Variants in IFRD2 observed in about 807,000 individuals in gnomAD.
IFRD2 encodes interferon-related developmental regulator 2.
A neutral mutation model predicts 49.2 loss-of-function variants in IFRD2; 35 were observed. That is an observed-to-expected ratio of 0.71 (90% CI 0.54 to 0.94). IFRD2 has a LOEUF of 0.94. IFRD2 is among the 40% of genes least tolerant of loss of function. The pLI, the probability that IFRD2 is intolerant of heterozygous loss-of-function variation, is 0.00. For synonymous variants in IFRD2, 275 were observed against 239.7 expected (o/e 1.15, Z -1.36); for missense variants, 561 against 591.6 (o/e 0.95, Z 0.54).
chr3:50,291,348 G>A (rs1192439599), intron 1 of IFRD2, among the ~76,000 whole-genome samples: 1 of 152,074 alleles, frequency 6.6e-6, no homozygotes, highest in African/African-American at 2.4e-5. Flanking sequence ...TGCCGGAGCA[G>A]CCCAGCCTTC....
At chr3:50,291,411 A>C (rs1701670535) in intron 1 of IFRD2, among the ~76,000 whole-genome samples, 1 of 151,916 alleles carries the variant, frequency 6.6e-6, no homozygotes, top group East Asian at 1.9e-4. Context: ...TCTTTGTACA[A>C]CTTGCTCTCT....
In IFRD2 at chr3:50,287,942, G is replaced by T; in HGVS notation, c.*249C>A. On this transcript the variant is annotated 3_prime_UTR_variant, in exon 12 of 12. Transcript: ENST00000417626. ...AAGGCCCCCTAGTGCCTGCCCCACA[G>T]CCCTGAGGAAGGCACATATTTAGCC... 1.9e-6 allele frequency: 1 copy of T among 517,264 alleles called. No individual in the cohort carries two copies. Among genetic ancestry groups the T allele is most frequent in the Non-Finnish European group, 3.5e-6 (1 of 285,524 alleles). 32.0% of individuals were successfully genotyped at this position (517,264 alleles called of 1,614,324 possible). A position where few individuals can be genotyped will look rare whatever the true frequency, so the allele number is the denominator to read the frequency against.
intron 8 of IFRD2, 21 bp downstream of exon 8, chr3:50,289,231 ACCC>A: frequency 6.5e-7 from 1 of 1,544,248 alleles, no homozygotes; most frequent in Non-Finnish European, 8.8e-7. Flanking sequence ...GTCACCAAGC[ACCC>A]CCCATCCTTG....
chr3:50,289,032 C>T, intron 8 of IFRD2, 95 bp from the exon 9 acceptor site: 1 of 1,497,230 alleles, frequency 6.7e-7, no homozygotes, highest in South Asian at 1.2e-5. Flanking sequence ...ACTGAGAGAC[C>T]CTCTCTTCTC....
intron 1 of IFRD2, 179 bp downstream of exon 1, chr3:50,292,038 G>T: frequency 3.1e-6 from 2 of 648,740 alleles, no homozygotes; most frequent in Non-Finnish European, 4.8e-6. Flanking sequence ...AGCTCAAGTT[G>T]GGCACGCACG....
In IFRD2 at chr3:50,290,248, C is replaced by CT; in HGVS notation, c.309dup (p.Ala104SerfsTer51). The CT allele has an allele frequency of 6.2e-7, 1 of 1,613,072 alleles. No homozygotes were observed. Among genetic ancestry groups the CT allele is most frequent in the Non-Finnish European group, 8.5e-7 (1 of 1,179,568 alleles). ...AAGAAGTCGGGGAGTAGGCGGGACG[C>CT]TAGGGCCAGGCGCAGGCTCTCAAGA... On this transcript the variant is annotated frameshift_variant, in exon 4 of 12. Transcript: ENST00000417626. LOFTEE classifies it high-confidence loss of function.
At position 50,289,469 on chromosome 3, in the gene IFRD2, G is replaced by T; in HGVS notation, c.757C>A (p.Gln253Lys). The T allele has an allele frequency of 1.3e-6, 2 of 1,582,144 alleles. No homozygotes were observed. The highest frequency in any genetic ancestry group is 2.3e-5 in the East Asian group (1 of 43,132). Reference sequence around the variant, plus strand: ...TACCTGTCAAGGATGTGGCTGATTTGGGTGCTAGGGCAGATGGTGAGCAGC... The same window carrying T: ...TACCTGTCAAGGATGTGGCTGATTTTGGTGCTAGGGCAGATGGTGAGCAGC... ...ALLLTICPSTQISHILDRQLP... is the reference protein window; with the variant it reads ...ALLLTICPSTKISHILDRQLP... The change falls in exon 7 of 12, where the codon CAA becomes AAA. Residue 253 changes from glutamine (Q) to lysine (K), a missense_variant. Physicochemically the swap from Gln to Lys is moderately conservative, Grantham distance 53 (BLOSUM62 1). Coordinates refer to ENST00000417626, the MANE Select transcript of IFRD2 (RefSeq NM_006764.5).
chr3:50,289,349 CG>C lies in IFRD2; in HGVS notation c.790del (p.Arg264GlyfsTer11), dbSNP rs781833908. 3 of 1,598,124 alleles carry C rather than the reference CG, an allele frequency of 1.9e-6. No homozygotes were observed. Among genetic ancestry groups the C allele is most frequent in the Non-Finnish European group, 2.6e-6 (3 of 1,172,480 alleles). On this transcript the variant is annotated frameshift_variant, in exon 8 of 12. Transcript: ENST00000417626. LOFTEE classifies it high-confidence loss of function. ...ISHILDRQLP[R>X]LPQLLSSESV... is the part of the protein sequence containing the mutation. ...TTCACTGGACAAGAGCTGGGGCAGC[CG>C]GGGCAGCTGCCTAGGGAAGGGGCAG...
intron 1 of IFRD2, chr3:50,291,852 C>T: frequency 4.3e-6 from 1 of 230,462 alleles, no homozygotes; most frequent in Non-Finnish European, 8.4e-6. Flanking sequence ...TTCACCGGAG[C>T]AGGCCAGGAC....
intron 4 of IFRD2, 35 bp from the exon 5 acceptor site, chr3:50,290,121 G>A (rs1553709525): frequency 1.9e-6 from 3 of 1,612,480 alleles, no homozygotes; most frequent in Admixed American, 1.7e-5. Context: ...CATGCAGCAA[G>A]GGCCAGTGTC....
intron 5 of IFRD2, 77 bp downstream of exon 5, chr3:50,289,852 C>G (rs1701637722): frequency 1.3e-6 from 2 of 1,594,568 alleles, no homozygotes; most frequent in South Asian, 2.3e-5. Flanking sequence ...GTAAAGGAGG[C>G]TGAAGATAGG....
In IFRD2 at chr3:50,292,363, G is replaced by A. The variant is rs1553709956; in HGVS notation, c.-89C>T. ...GAGACGCCGGCCGGTGCGCTGCGCT[G>A]AGACTTGGCCAGACGACGGGAGCCA... On this transcript the variant is annotated 5_prime_UTR_variant, in exon 1 of 12. The change creates a premature stop within an existing upstream ORF in the 5' untranslated region. Transcript: ENST00000417626. 5 of 1,574,168 alleles carry A rather than the reference G, an allele frequency of 3.2e-6. No homozygotes were observed. In the African/African-American group the frequency reaches 5.4e-5, roughly 17 times the overall value.
intron 4 of IFRD2, 22 bp from the exon 5 acceptor site, chr3:50,290,108 G>A: frequency 1.2e-6 from 2 of 1,612,786 alleles, no homozygotes; most frequent in Non-Finnish European, 1.7e-6. Flanking sequence ...TTTCCAGTCA[G>A]CCCATGCAGC....
chr3:50,288,874 T>C lies in IFRD2; in HGVS notation c.949A>G (p.Ser317Gly). 2 of 1,613,646 alleles carry C rather than the reference T, an allele frequency of 1.2e-6. No homozygotes were observed. The highest frequency in any genetic ancestry group is 1.7e-6 in the Non-Finnish European group (2 of 1,179,726). Residue 317 changes from serine (S) to glycine (G), a missense_variant, in exon 9 of 12, where the codon AGT becomes GGT. By Grantham distance (56) the Ser-to-Gly change is moderately conservative. Transcript: ENST00000417626. Reference sequence around the variant, plus strand: ...TCAGCCTTGGCACGGTACTTGTTACTGTCAGTGGCCAGAGTGCGCAGGACA... The same window carrying C: ...TCAGCCTTGGCACGGTACTTGTTACCGTCAGTGGCCAGAGTGCGCAGGACA... ...CSVLRTLATD[S>G]NKYRAKADRR... is the part of the protein sequence containing the mutation.
chr3:50,291,504 G>A (rs1553709805), intron 1 of IFRD2, among the ~76,000 whole-genome samples: 1 of 152,062 alleles, frequency 6.6e-6, no homozygotes, highest in African/African-American at 2.4e-5. Flanking sequence ...ACCACTCAGT[G>A]AACATGTTCC....
In IFRD2 at chr3:50,288,954, G is replaced by A. The variant is rs1701615760; in HGVS notation, c.886-17C>T. Reference sequence around the variant, plus strand: ...AAACTCCTCCTGCAATGGGAGCATTGGAGGGTGTGTGGTAGATGCTTGAGC... The same window carrying A: ...AAACTCCTCCTGCAATGGGAGCATTAGAGGGTGTGTGGTAGATGCTTGAGC... On this transcript the variant is annotated splice_polypyrimidine_tract_variant and intron_variant, in intron 8 of 11. Transcript: ENST00000417626. The A allele has an allele frequency of 1.2e-6, 2 of 1,609,924 alleles. No individual in the cohort carries two copies. The highest frequency in any genetic ancestry group is 1.3e-5 in the African/African-American group (1 of 74,856).
Position 50,292,332 on chromosome 3 carries a change from G to A in IFRD2, c.-58C>T, listed in dbSNP as rs1553709947. ...GGGACCCGGTGGGTGTGGGCTCCAGGCCAACGAGACGCCGGCCGGTGCGCT... is the reference window on the plus strand; with the variant it reads ...GGGACCCGGTGGGTGTGGGCTCCAGACCAACGAGACGCCGGCCGGTGCGCT... On this transcript the variant is annotated 5_prime_UTR_variant, in exon 1 of 12. Coordinates refer to ENST00000417626, the MANE Select transcript of IFRD2 (RefSeq NM_006764.5). 6.4e-7 allele frequency: 1 copy of A among 1,566,104 alleles called. No homozygotes were observed. The highest frequency in any genetic ancestry group is 8.6e-7 in the Non-Finnish European group (1 of 1,158,672).
In IFRD2 at chr3:50,288,724, G is replaced by A. The variant is rs782342461; in HGVS notation, c.1024-13C>T. The A allele has an allele frequency of 2.5e-6, 4 of 1,612,928 alleles. No homozygotes were observed. In the African/African-American group the frequency reaches 5.3e-5, roughly 22 times the overall value. ...CGCATTCACCGCCCTGCAGGGTAGA[G>A]GTGCCAACACAACTGGGCTTGGCTG... On this transcript the variant is annotated splice_polypyrimidine_tract_variant and intron_variant, in intron 9 of 11. Coordinates refer to ENST00000417626, the MANE Select transcript of IFRD2 (RefSeq NM_006764.5).
At position 50,288,563 on chromosome 3, in the gene IFRD2, C is replaced by A. The variant is rs782438336; in HGVS notation, c.1152+20G>T. On this transcript the variant is annotated intron_variant, in intron 10 of 11. Transcript: ENST00000417626. ...CTGAAGCAACCACACCAGATGTCCC[C>A]TCCCTGTCCGTCCCCGCACCTGGAG... 6.2e-7 allele frequency: 1 copy of A among 1,613,982 alleles called. No individual in the cohort carries two copies. The highest frequency in any genetic ancestry group is 2.2e-5 in the East Asian group (1 of 44,886).
Sources: allele counts gnomAD v4.1 joint callset (sites outside exome capture counted in the v4.1 genomes callset), GRCh38; gene constraint gnomAD v4.1.1; transcripts MANE v1.5; gene names NCBI Gene and HGNC (gene_info 2026-07-23, HGNC 2026-07-21).